Variants in FRAS1 observed in about 807,000 individuals in gnomAD.
The protein encoded by FRAS1 is extracellular matrix organizing protein FRAS1.
In FRAS1, 290 loss-of-function variants were observed where a neutral mutation model predicts 435.2. The observed-to-expected ratio is 0.67, with a 90% CI of 0.61 to 0.73. FRAS1 has a LOEUF of 0.73. Ranked by LOEUF, FRAS1 falls within the 30% of genes least tolerant of loss-of-function variation. FRAS1 has a pLI of 0.00. For missense variants in FRAS1, 4,860 were observed against 5,001.5 expected (o/e 0.97, Z 0.85); for synonymous variants, 1,800 against 1,851.0 (o/e 0.97, Z 0.71).
chr4:78,187,819 G>A (rs1722337355), intron 2 of FRAS1, among the ~76,000 whole-genome samples: 1 of 152,094 alleles, frequency 6.6e-6, no homozygotes, highest in African/African-American at 2.4e-5. Flanking sequence ...TAGCCAGGAT[G>A]GTCTTGATCT....
intron 2 of FRAS1, chr4:78,181,397 C>T: frequency 6.2e-7 from 1 of 1,611,990 alleles, no homozygotes; most frequent in Non-Finnish European, 8.5e-7. Flanking sequence ...TCCGCTACCT[C>T]CACGTTTGTC....
intron 1 of FRAS1, among the ~76,000 whole-genome samples, chr4:78,062,802 A>G (rs1025006336): frequency 1.3e-5 from 2 of 152,192 alleles, no homozygotes; most frequent in Non-Finnish European, 2.9e-5. Context: ...AGGTCTCAGG[A>G]TCTGGGCTTC....
chr4:78,130,275 C>T (rs1180054852), intron 2 of FRAS1, among the ~76,000 whole-genome samples: 3 of 152,130 alleles, frequency 2.0e-5, no homozygotes, highest in Non-Finnish European at 4.4e-5. Context: ...GCGTTTGGCA[C>T]ATACAAAATG....
intron 29 of FRAS1, among the ~76,000 whole-genome samples, chr4:78,392,346 C>G (rs926663162): frequency 5.9e-5 from 9 of 152,070 alleles, no homozygotes; most frequent in Non-Finnish European, 1.3e-4. Flanking sequence ...CAACATTAGT[C>G]ATTTTCTATT....
At chr4:78,507,725 C>G (rs1720888212) in intron 62 of FRAS1, 117 bp downstream of exon 62, 1 of 965,976 alleles carries the variant, frequency 1.0e-6, no homozygotes, top group Non-Finnish European at 1.5e-6. Context: ...AACCAGGAGC[C>G]ATCTTGCCTT....
chr4:78,485,970 C>T (rs1720156071), intron 58 of FRAS1, among the ~76,000 whole-genome samples: 1 of 152,200 alleles, frequency 6.6e-6, no homozygotes, highest in Admixed American at 6.5e-5. Context: ...CTTAAATCAT[C>T]TAAGCAGCTC....
chr4:78,447,961 C>T (rs1718904396), intron 43 of FRAS1, 92 bp from the exon 44 acceptor site: 2 of 1,214,022 alleles, frequency 1.6e-6, no homozygotes, highest in Non-Finnish European at 2.3e-6. Flanking sequence ...TCTACCCAGA[C>T]TCATACTACT....
At chr4:78,434,693 A>C (rs1302112378) in intron 38 of FRAS1, among the ~76,000 whole-genome samples, 1 of 152,182 alleles carries the variant, frequency 6.6e-6, no homozygotes, top group Non-Finnish European at 1.5e-5. Context: ...TCAAGGAGCC[A>C]GATATGAGAT....
At position 78,363,843 on chromosome 4, in the gene FRAS1, T is replaced by G. The variant is rs1293631272; in HGVS notation, c.2576-65T>G. 4 of 1,546,184 alleles carry G rather than the reference T, an allele frequency of 2.6e-6. No individual in the cohort carries two copies. The African/African-American group carries it at 5.5e-5, about 21-fold the overall frequency. On this transcript the variant is annotated intron_variant, in intron 21 of 73. Coordinates refer to ENST00000512123, the MANE Select transcript of FRAS1 (RefSeq NM_025074.7). ...GTGTTGGGACTTTATTACCCACACT[T>G]GGGGTGCTGCTTTGGAAGAGAATCT...
chr4:78,083,274 G>T (rs548413859), intron 2 of FRAS1, among the ~76,000 whole-genome samples: 42 of 152,206 alleles, frequency 2.8e-4, no homozygotes, highest in African/African-American at 9.6e-4. Context: ...ATGTGATGAG[G>T]TTCTGGATAA....
intron 2 of FRAS1, among the ~76,000 whole-genome samples, chr4:78,115,791 C>G (rs898213350): frequency 1.3e-5 from 2 of 151,994 alleles, no homozygotes; most frequent in African/African-American, 4.8e-5. Flanking sequence ...CTCCTGGATT[C>G]ATTGATTTTT....
At chr4:78,492,463 C>T (rs1326198479) in intron 59 of FRAS1, among the ~76,000 whole-genome samples, 1 of 152,138 alleles carries the variant, frequency 6.6e-6, no homozygotes, top group Non-Finnish European at 1.5e-5. Context: ...ACCAATGGAA[C>T]AGAACAGAGG....
intron 9 of FRAS1, among the ~76,000 whole-genome samples, chr4:78,273,972 A>C (rs940480856): frequency 1.3e-5 from 2 of 152,156 alleles, no homozygotes; most frequent in Non-Finnish European, 2.9e-5. Context: ...TAGGCTATTA[A>C]TTATTGCCTC....
chr4:78,189,208 C>T (rs1371331526), intron 2 of FRAS1, among the ~76,000 whole-genome samples: 1 of 152,204 alleles, frequency 6.6e-6, no homozygotes, highest in Non-Finnish European at 1.5e-5. Flanking sequence ...CATTTAAATG[C>T]ACAATTGTGG....
At position 78,369,920 on chromosome 4, in the gene FRAS1, G is replaced by A. The variant is rs1731429678; in HGVS notation, c.2805G>A (p.Gly935=). The part of the protein sequence containing the change: ...CRDPNKVLLF[G]ECQYESCAPQ... Reference sequence around the variant, plus strand: ...ATCCAAACAAGGTTCTGCTCTTTGGGGAATGTCAATACGAGAGCTGCGCCC... The same window carrying A: ...ATCCAAACAAGGTTCTGCTCTTTGGAGAATGTCAATACGAGAGCTGCGCCC... Residue 935 remains glycine (G), a synonymous_variant, in exon 23 of 74, where the codon GGG becomes GGA. Coordinates refer to ENST00000512123, the MANE Select transcript of FRAS1 (RefSeq NM_025074.7). The A allele has an allele frequency of 6.2e-7, 1 of 1,613,800 alleles. No homozygotes were observed. The highest frequency in any genetic ancestry group is 8.5e-7 in the Non-Finnish European group (1 of 1,179,764).
At chr4:78,061,211 G>A (rs569756846) in intron 1 of FRAS1, among the ~76,000 whole-genome samples, 2 of 152,190 alleles carry the variant, frequency 1.3e-5, no homozygotes, top group Non-Finnish European at 1.5e-5. Flanking sequence ...TATTGGCAGT[G>A]TTATTTTATA....
intron 2 of FRAS1, chr4:78,068,450 G>A: frequency 2.2e-6 from 1 of 451,730 alleles, no homozygotes; most frequent in Admixed American, 2.4e-5. Context: ...AGCTCCTATG[G>A]GCATTTGAGG....
intron 71 of FRAS1, 37 bp from the exon 72 acceptor site, chr4:78,536,958 A>G (rs17471104): frequency 0.19 from 287,478 of 1,551,450 alleles, 29,883 homozygotes; most frequent in Non-Finnish European, 0.22. Context: ...CTTTCATCTT[A>G]AAGTCTGACC....
chr4:78,509,374 C>T (rs964370597), intron 63 of FRAS1, among the ~76,000 whole-genome samples: 1 of 152,148 alleles, frequency 6.6e-6, no homozygotes, highest in Non-Finnish European at 1.5e-5. Flanking sequence ...GTGAAAAACT[C>T]CAGATAGGCG....
Sources: allele counts gnomAD v4.1 joint callset (sites outside exome capture counted in the v4.1 genomes callset), GRCh38; gene constraint gnomAD v4.1.1; transcripts MANE v1.5; gene names NCBI Gene and HGNC (gene_info 2026-07-23, HGNC 2026-07-21).